The following TRHDE variants were observed in gnomAD, a reference collection of about 807,000 sequenced individuals.
The protein encoded by TRHDE is thyrotropin releasing hormone degrading enzyme.
Under a neutral mutation model 125.7 loss-of-function variants are expected in TRHDE, and 72 were observed. That is an observed-to-expected ratio of 0.57 (90% CI 0.47 to 0.70). TRHDE has a LOEUF of 0.70. Among genes scored for constraint, TRHDE ranks in the 30% least tolerant of loss-of-function variants. The probability of loss-of-function intolerance (pLI) is 0.00; values close to 1 mark genes in which losing one functional copy is unlikely to be tolerated. For missense variants in TRHDE, 1,110 were observed against 1,327.1 expected (o/e 0.84, Z 2.54); for synonymous variants, 509 against 509.1 (o/e 1.00, Z 0.00).
At chr12:72,395,379 G>T (rs143947419) in intron 3 of TRHDE, among the ~76,000 whole-genome samples, 19 of 152,032 alleles carry the variant, frequency 1.2e-4, no homozygotes, top group Middle Eastern at 6.8e-3. Context: ...GTCATATCCT[G>T]GACCCTGTCA....
intron 2 of TRHDE, among the ~76,000 whole-genome samples, chr12:72,192,152 A>G (rs1877353301): frequency 6.6e-6 from 1 of 152,144 alleles, no homozygotes; most frequent in Admixed American, 6.6e-5. Context: ...ATGTAATATT[A>G]GAGGAGATTA....
At chr12:72,099,197 T>G (rs766002658) in intron 1 of TRHDE, among the ~76,000 whole-genome samples, 21 of 152,116 alleles carry the variant, frequency 1.4e-4, no homozygotes, top group Non-Finnish European at 2.1e-4. Flanking sequence ...TTTAAACCAT[T>G]AAATTTTTTT....
intron 15 of TRHDE, among the ~76,000 whole-genome samples, chr12:72,640,103 C>G (rs1233699750): frequency 6.6e-6 from 1 of 152,218 alleles, no homozygotes; most frequent in Non-Finnish European, 1.5e-5. Flanking sequence ...CTCCCCCAGC[C>G]TCGCTGCCGC....
intron 2 of TRHDE, among the ~76,000 whole-genome samples, chr12:72,214,962 A>G (rs1401475160): frequency 1.3e-5 from 2 of 152,198 alleles, no homozygotes; most frequent in East Asian, 3.8e-4. Flanking sequence ...TTTTAATTCC[A>G]TGCAAACGAT....
chr12:72,649,133 T>G (rs988397793), intron 15 of TRHDE, among the ~76,000 whole-genome samples: 17 of 152,062 alleles, frequency 1.1e-4, no homozygotes, highest in Admixed American at 5.2e-4. Flanking sequence ...CTTGCTAATT[T>G]TAAAATATAT....
chr12:72,147,686 T>G (rs1210196779), intron 2 of TRHDE: 1 of 152,208 alleles, frequency 6.6e-6, no homozygotes, highest in Non-Finnish European at 1.5e-5. Flanking sequence ...TCAAGACTTC[T>G]CTCATCATTG....
Position 72,267,102 on chromosome 12 carries a change from T to C in TRHDE, n.280-110893T>C, listed in dbSNP as rs146614309. Among the ~76,000 whole-genome samples, 234 of 152,220 alleles carry C rather than the reference T, an allele frequency of 1.5e-3. 1 individual carries two copies. The highest frequency in any genetic ancestry group is 5.4e-3 in the African/African-American group (223 of 41,572). ...ATATTCACTATTTCCATTTCTTGAG[T>C]GACTAGACAAATTAACTAGTTTAAC... On this transcript the variant is annotated intron_variant and non_coding_transcript_variant, in intron 2 of 4. Coordinates refer to the TRHDE transcript ENST00000548156.
intron 2 of TRHDE, among the ~76,000 whole-genome samples, chr12:72,156,780 A>G (rs1876522259): frequency 6.6e-6 from 1 of 152,216 alleles, no homozygotes; most frequent in Non-Finnish European, 1.5e-5. Context: ...CTTTCATCAA[A>G]TATTTATGAA....
At chr12:72,424,020 A>G (rs1482034780) in intron 3 of TRHDE, among the ~76,000 whole-genome samples, 1 of 152,218 alleles carries the variant, frequency 6.6e-6, no homozygotes, top group Admixed American at 6.5e-5. Context: ...CACAAACTGG[A>G]TAACCACGTA....
chr12:72,460,045 T>C (rs1876053222), intron 3 of TRHDE, among the ~76,000 whole-genome samples: 1 of 152,210 alleles, frequency 6.6e-6, no homozygotes. Flanking sequence ...CTAGGGAATG[T>C]GGTTCTTTTA....
intron 5 of TRHDE, among the ~76,000 whole-genome samples, chr12:72,494,590 C>CT (rs561993920): frequency 2.2e-4 from 33 of 152,096 alleles, no homozygotes; most frequent in African/African-American, 7.9e-4. Context: ...AACATCCTTA[C>CT]TCTTATTTCC....
intron 2 of TRHDE, among the ~76,000 whole-genome samples, chr12:72,289,261 A>G (rs922703153): frequency 1.3e-5 from 2 of 152,158 alleles, no homozygotes; most frequent in Admixed American, 1.3e-4. Flanking sequence ...TGTAAATAAT[A>G]TACAGCTGAA....
At chr12:72,322,630 A>G (rs1418929493) in intron 2 of TRHDE, among the ~76,000 whole-genome samples, 1 of 152,164 alleles carries the variant, frequency 6.6e-6, no homozygotes, top group African/African-American at 2.4e-5. Flanking sequence ...GTATTTGCTA[A>G]TTCAGTGTTT....
At chr12:72,540,880 A>G (rs935018109) in intron 6 of TRHDE, among the ~76,000 whole-genome samples, 2 of 151,766 alleles carry the variant, frequency 1.3e-5, no homozygotes, top group Admixed American at 1.3e-4. Context: ...ATTTCAGCCT[A>G]TCATTTGTTG....
chr12:72,623,731 G>A lies in TRHDE; in HGVS notation c.2675+1980G>A, dbSNP rs545931765. Among the ~76,000 whole-genome samples the A allele has an allele frequency of 2.4e-4, 37 of 152,174 alleles. 1 individual carries two copies. Among genetic ancestry groups the A allele is most frequent in the South Asian group, 1.2e-3 (6 of 4,818 alleles). ...GATTTAAGTGGATAGGGGCAGGACT[G>A]AAGGCAGTGGTAGGTATCTATCTAT... On this transcript the variant is annotated intron_variant, in intron 15 of 18. Coordinates refer to ENST00000261180, the MANE Select transcript of TRHDE (RefSeq NM_013381.3).
At chr12:72,312,835 T>C (rs1555175486) in intron 2 of TRHDE, among the ~76,000 whole-genome samples, 1 of 152,154 alleles carries the variant, frequency 6.6e-6, no homozygotes, top group Non-Finnish European at 1.5e-5. Flanking sequence ...GACCTATACC[T>C]CCACTATTTT....
intron 3 of TRHDE, among the ~76,000 whole-genome samples, chr12:72,437,651 C>G (rs1293155837): frequency 6.6e-6 from 1 of 151,666 alleles, no homozygotes; most frequent in Non-Finnish European, 1.5e-5. Flanking sequence ...CATTTTGACT[C>G]ACTTTTTAAA....
chr12:72,244,408 T>C (rs959411018), intron 2 of TRHDE, among the ~76,000 whole-genome samples: 5 of 152,172 alleles, frequency 3.3e-5, no homozygotes, highest in African/African-American at 1.2e-4. Flanking sequence ...CTTTTGGCTA[T>C]TAATTTCCAC....
intron 3 of TRHDE, among the ~76,000 whole-genome samples, chr12:72,441,641 T>C (rs1455028148): frequency 6.6e-6 from 1 of 151,890 alleles, no homozygotes; most frequent in Non-Finnish European, 1.5e-5. Flanking sequence ...ATATCAGTTT[T>C]GAGTTTAATG....
Sources: gnomAD v4.1 joint callset for allele counts (sites outside exome capture counted in the v4.1 genomes callset) on GRCh38, gnomAD v4.1.1 for gene constraint, MANE v1.5 for transcripts, NCBI Gene and HGNC (gene_info 2026-07-23, HGNC 2026-07-21) for gene names.